Variants in THADA observed in about 807,000 individuals in gnomAD.
THADA encodes THADA armadillo repeat containing, also known as tRNA (32-2'-O)-methyltransferase regulator THADA.
In THADA, 213 loss-of-function variants were observed where a neutral mutation model predicts 219.8. The ratio of observed to expected loss-of-function variants is 0.97; its 90% CI spans 0.87 to 1.09. The LOEUF is 1.09. Ranked by LOEUF, THADA falls within the 50% of genes least tolerant of loss-of-function variation. The probability of loss-of-function intolerance (pLI) is 0.00; values close to 1 mark genes in which losing one functional copy is unlikely to be tolerated. For missense variants in THADA, 2,956 were observed against 2,311.3 expected, an observed-to-expected ratio of 1.28 and a Z score of -5.72; for synonymous variants, 1,018 against 828.9, an observed-to-expected ratio of 1.23 and a Z score of -3.92.
rs1678579904 is a variant in THADA at position 43,320,510 on chromosome 2, T to C, written c.4374A>G (p.Val1458=). ...TCAATAGGAAGAGAATATCAATATA[T>C]ACAGCTCTGGTCACCAAACATGGAT... is the stretch of plus-strand genomic sequence containing the variant. ...RQNPCLVTRA[V]YIDILFLLTC... The change falls in exon 31 of 38, where the codon GTA becomes GTG. Residue 1458 remains valine, a synonymous_variant. Transcript: ENST00000405975. 1 of 1,613,282 alleles carries C rather than the reference T, an allele frequency of 6.2e-7. No homozygotes were observed. The highest frequency in any genetic ancestry group is 8.5e-7 in the Non-Finnish European group (1 of 1,179,654).
At chr2:43,506,351 T>C (rs548892591) in intron 23 of THADA, among the ~76,000 whole-genome samples, 5 of 152,278 alleles carry the variant, frequency 3.3e-5, no homozygotes, top group African/African-American at 9.6e-5. Flanking sequence ...TTTGCCGATG[T>C]CCAATAAACA....
At chr2:43,575,534 GTTAT>G (rs111540904) in intron 10 of THADA, among the ~76,000 whole-genome samples, 46 of 152,124 alleles carry the variant, frequency 3.0e-4, no homozygotes, top group African/African-American at 1.0e-3. Flanking sequence ...GATTACACAA[GTTAT>G]TTATTTATTT....
Position 43,586,844 on chromosome 2 carries a change from G to T in THADA, c.451+10C>A. ...TAGCCAGAAAAAGGACTAGAAAAGT[G>T]CAGCCTTACCCAAGTTAAAGTTCTC... On this transcript the variant is annotated intron_variant, in intron 5 of 37. Coordinates refer to ENST00000405975, the MANE Select transcript of THADA (RefSeq NM_022065.5). 1 of 1,613,056 alleles carries T rather than the reference G, an allele frequency of 6.2e-7. No homozygotes were observed. The highest frequency in any genetic ancestry group is 8.5e-7 in the Non-Finnish European group (1 of 1,179,528).
chr2:43,595,251 G>C (rs777041378), intron 1 of THADA, among the ~76,000 whole-genome samples: 1 of 152,208 alleles, frequency 6.6e-6, no homozygotes, highest in Non-Finnish European at 1.5e-5. Context: ...TGTTTGGGAA[G>C]TAAGAAATCC....
rs963258644 is a variant in THADA, at chr2:43,279,750, A to G, written c.5296+15T>C. Reference sequence around the variant, plus strand: ...TGCAGCGATAAGACAATGCAAAAGGATAAGAACGAGGTACCTGTTGACTGG... The same window carrying G: ...TGCAGCGATAAGACAATGCAAAAGGGTAAGAACGAGGTACCTGTTGACTGG... On this transcript the variant is annotated intron_variant, in intron 36 of 37. Transcript: ENST00000405975. 2.3e-5 allele frequency: 35 copies of G among 1,545,650 alleles called. No homozygotes were observed. In the African/African-American group the frequency reaches 3.4e-4, roughly 15 times the overall value.
chr2:43,490,611 T>C (rs372486896), intron 25 of THADA, among the ~76,000 whole-genome samples: 1 of 152,198 alleles, frequency 6.6e-6, no homozygotes, highest in Non-Finnish European at 1.5e-5. Flanking sequence ...GTATATTACA[T>C]TACAATGGTC....
At chr2:43,467,198 A>C (rs1304370881) in intron 26 of THADA, among the ~76,000 whole-genome samples, 2 of 149,668 alleles carry the variant, frequency 1.3e-5, no homozygotes, top group African/African-American at 2.5e-5. Flanking sequence ...AAAAAAAAAA[A>C]AAAAAAAACA....
At chr2:43,360,257 T>G (rs1669353032) in intron 29 of THADA, among the ~76,000 whole-genome samples, 1 of 152,258 alleles carries the variant, frequency 6.6e-6, no homozygotes, top group Admixed American at 6.5e-5. Context: ...GTAAACCATG[T>G]CGTTTTATCT....
At chr2:43,457,423 G>C (rs1029597003) in intron 26 of THADA, among the ~76,000 whole-genome samples, 38 of 152,186 alleles carry the variant, frequency 2.5e-4, no homozygotes, top group Middle Eastern at 3.4e-3. Flanking sequence ...AATTACAACA[G>C]ACTTACTAGT....
At chr2:43,427,572 T>C (rs1228511927) in intron 28 of THADA, among the ~76,000 whole-genome samples, 1 of 149,358 alleles carries the variant, frequency 6.7e-6, no homozygotes, top group East Asian at 1.9e-4. Flanking sequence ...ACACACACAA[T>C]AGTTATATAC....
intron 17 of THADA, among the ~76,000 whole-genome samples, chr2:43,553,681 G>C (rs1697012814): frequency 6.6e-6 from 1 of 152,198 alleles, no homozygotes; most frequent in Non-Finnish European, 1.5e-5. Flanking sequence ...TTAGCCTTTT[G>C]AGGAACTGCC....
At chr2:43,451,068 C>T (rs1469770126) in intron 26 of THADA, among the ~76,000 whole-genome samples, 1 of 152,046 alleles carries the variant, frequency 6.6e-6, no homozygotes, top group Non-Finnish European at 1.5e-5. Flanking sequence ...ATCATTGAAC[C>T]ATATACTTAA....
chr2:43,574,874 A>G lies in THADA; in HGVS notation c.1191T>C (p.Tyr397=), dbSNP rs764040650. ...SIVGRLLEYV[Y]THWEHPLDAL... ...CATCCAATGGATGTTCCCAATGGGT[A>G]TAGACATATTCCAAAAGTCTCCCAA... is the stretch of plus-strand genomic sequence containing the variant. Residue 397 remains tyrosine (Y), a synonymous_variant, in exon 11 of 38, where the codon TAT becomes TAC. Coordinates refer to ENST00000405975, the MANE Select transcript of THADA (RefSeq NM_022065.5). 3 of 1,613,906 alleles carry G rather than the reference A, an allele frequency of 1.9e-6. No individual in the cohort carries two copies. Among genetic ancestry groups the G allele is most frequent in the Admixed American group, 1.7e-5 (1 of 59,996 alleles).
chr2:43,430,892 CT>C (rs1162171762), intron 26 of THADA, among the ~76,000 whole-genome samples: 1 of 152,194 alleles, frequency 6.6e-6, no homozygotes, highest in Non-Finnish European at 1.5e-5. Context: ...AAAATGGCCC[CT>C]GATTGAGAAC....
intron 1 of THADA, among the ~76,000 whole-genome samples, chr2:43,593,880 A>T (rs1701855145): frequency 6.6e-6 from 1 of 151,840 alleles, no homozygotes; most frequent in African/African-American, 2.4e-5. Context: ...TGATCCACCC[A>T]CCTCGGCCCC....
intron 36 of THADA, among the ~76,000 whole-genome samples, chr2:43,247,737 A>C (rs1669307470): frequency 6.6e-6 from 1 of 150,746 alleles, no homozygotes; most frequent in Non-Finnish European, 1.5e-5. Flanking sequence ...CAAAAAAAAA[A>C]AAAAAAAAAA....
chr2:43,512,112 G>A (rs1291883104), intron 22 of THADA, among the ~76,000 whole-genome samples: 1 of 152,164 alleles, frequency 6.6e-6, no homozygotes. Flanking sequence ...GCTCTACAAG[G>A]TCAAGGCTGG....
intron 26 of THADA, among the ~76,000 whole-genome samples, chr2:43,467,256 T>C (rs1008261831): frequency 2.0e-5 from 3 of 149,734 alleles, no homozygotes; most frequent in Admixed American, 6.6e-5. Flanking sequence ...AGAAATACTG[T>C]ATATTATTTA....
intron 26 of THADA, among the ~76,000 whole-genome samples, chr2:43,480,523 G>A (rs1217979131): frequency 6.6e-6 from 1 of 152,066 alleles, no homozygotes. Flanking sequence ...TGGGTTTGAG[G>A]ATGTTAATAT....
Sources: gnomAD v4.1 joint callset for allele counts (sites outside exome capture counted in the v4.1 genomes callset) on GRCh38, gnomAD v4.1.1 for gene constraint, MANE v1.5 for transcripts, NCBI Gene and HGNC (gene_info 2026-07-23, HGNC 2026-07-21) for gene names.